The following SPINK5 variants were observed in gnomAD, a reference collection of about 807,000 sequenced individuals.
SPINK5 encodes serine peptidase inhibitor Kazal type 5.
Under a neutral mutation model 151.8 loss-of-function variants are expected in SPINK5, and 125 were observed. That is an observed-to-expected ratio of 0.82 (90% CI 0.71 to 0.96). The LOEUF is 0.96. Ranked by LOEUF, SPINK5 falls within the 40% of genes least tolerant of loss-of-function variation. The pLI is 0.00. For missense variants in SPINK5, 1,194 were observed against 1,291.9 expected (o/e 0.92, Z 1.16); for synonymous variants, 374 against 395.3 (o/e 0.95, Z 0.64).
At position 148,095,865 on chromosome 5, in the gene SPINK5, G is replaced by GT. The variant is rs1753442819; in HGVS notation, c.842_843insT (p.Ala283SerfsTer2). ...AACAGTAAAACAGATCAAAATTTGGGAAAAGCTGAAGAAAAAACTAAAGTT... is the reference window on the plus strand; with the variant it reads ...AACAGTAAAACAGATCAAAATTTGGGTAAAAGCTGAAGAAAAAACTAAAGTT... On this transcript the variant is annotated frameshift_variant, in exon 10 of 33. Transcript: ENST00000256084. LOFTEE classifies it high-confidence loss of function. 2 of 1,612,286 alleles carry GT rather than the reference G, an allele frequency of 1.2e-6. No individual in the cohort carries two copies. Among genetic ancestry groups the GT allele is most frequent in the Non-Finnish European group, 1.7e-6 (2 of 1,179,026 alleles).
At chr5:148,131,155 A>G in intron 30 of SPINK5, 104 bp from the exon 31 acceptor site, 2 of 1,408,392 alleles carry the variant, frequency 1.4e-6, no homozygotes, top group South Asian at 2.3e-5. Context: ...CTCCTTTTAC[A>G]ACCATTTATT....
At chr5:148,130,605 C>T (rs1754546007) in intron 30 of SPINK5, among the ~76,000 whole-genome samples, 1 of 152,074 alleles carries the variant, frequency 6.6e-6, no homozygotes, top group South Asian at 2.1e-4. Flanking sequence ...TCTTCTTTTA[C>T]ATGGAAAATA....
rs1442244413 is a variant in SPINK5, at chr5:148,097,989, C to T, written c.1005C>T (p.Ala335=). The change falls in exon 11 of 33, where the codon GCC becomes GCT. Residue 335 remains alanine (A), a synonymous_variant. Coordinates refer to ENST00000256084, the MANE Select transcript of SPINK5 (RefSeq NM_006846.4). ...MHGNLCSMCQ[A]YFQAENEEKK... is the part of the protein sequence containing the mutation. The stretch of plus-strand genomic sequence containing the variant: ...GCAACTTGTGTTCCATGTGTCAAGC[C>T]TACTTGTGAGTATAGAGTTTTAGAA... The T allele has an allele frequency of 6.2e-7, 1 of 1,611,224 alleles. No individual in the cohort carries two copies. Among genetic ancestry groups the T allele is most frequent in the African/African-American group, 1.3e-5 (1 of 74,784 alleles).
intron 9 of SPINK5, among the ~76,000 whole-genome samples, chr5:148,095,481 A>T (rs72660255): frequency 0.068 from 10,335 of 152,072 alleles, 551 homozygotes; most frequent in East Asian, 0.27. Flanking sequence ...TAGAATAAAA[A>T]CTGCTGTATA....
intron 15 of SPINK5, 91 bp from the exon 16 acceptor site, chr5:148,104,861 A>C: frequency 8.0e-7 from 1 of 1,256,926 alleles, no homozygotes. Context: ...GCGCCACTGC[A>C]CTCCAGCCTG....
At chr5:148,067,887 T>TA (rs1367970042) in intron 2 of SPINK5, among the ~76,000 whole-genome samples, 1 of 152,140 alleles carries the variant, frequency 6.6e-6, no homozygotes, top group East Asian at 1.9e-4. Flanking sequence ...ATTGCTGAGT[T>TA]ACAGCCATGA....
chr5:148,111,727 G>T, intron 18 of SPINK5, 41 bp from the exon 19 acceptor site: 1 of 1,613,540 alleles, frequency 6.2e-7, no homozygotes, highest in Non-Finnish European at 8.5e-7. Context: ...CTAGTGTTTA[G>T]TTATTGGACT....
At chr5:148,076,693 T>C (rs1752890318) in intron 4 of SPINK5, among the ~76,000 whole-genome samples, 1 of 151,518 alleles carries the variant, frequency 6.6e-6, no homozygotes, top group South Asian at 2.1e-4. Flanking sequence ...CTAAAAAAAA[T>C]CATGTTTGAG....
chr5:148,067,308 G>T (rs1272067815), intron 2 of SPINK5, among the ~76,000 whole-genome samples: 2 of 152,082 alleles, frequency 1.3e-5, no homozygotes, highest in Non-Finnish European at 2.9e-5. Context: ...GCCCTAGAGG[G>T]CTCCAGTTTT....
Position 148,123,832 on chromosome 5 carries a change from G to A in SPINK5, c.2539-1G>A. 6.2e-7 allele frequency: 1 copy of A among 1,613,858 alleles called. No individual in the cohort carries two copies. The highest frequency in any genetic ancestry group is 8.5e-7 in the Non-Finnish European group (1 of 1,179,950). ...ACAACTTTTTCTGCTACTGTTGGTAGGATCTGTGTCGTGAATTTCGAAGCA... is the reference window on the plus strand; with the variant it reads ...ACAACTTTTTCTGCTACTGTTGGTAAGATCTGTGTCGTGAATTTCGAAGCA... On this transcript the variant is annotated splice_acceptor_variant, in intron 26 of 32. Coordinates refer to ENST00000256084, the MANE Select transcript of SPINK5 (RefSeq NM_006846.4). LOFTEE classifies it high-confidence loss of function.
rs1752508650 is a variant in SPINK5 at position 148,063,982 on chromosome 5, T to A, written c.-63T>A. ...GTAAACTGCATCGCCCCGAGTTCAG[T>A]CATACTGCACCAGCTGAGCAATGCA... On this transcript the variant is annotated 5_prime_UTR_variant, in exon 1 of 33. Transcript: ENST00000256084. 5.1e-6 allele frequency: 8 copies of A among 1,582,020 alleles called. No individual in the cohort carries two copies. In the South Asian group the frequency reaches 8.8e-5, roughly 17 times the overall value.
At chr5:148,120,528 G>A in intron 26 of SPINK5, 137 bp downstream of exon 26, 1 of 1,128,932 alleles carries the variant, frequency 8.9e-7, no homozygotes, top group South Asian at 1.4e-5. Context: ...GTCATGGCCA[G>A]ATCTTGAAAA....
intron 1 of SPINK5, 63 bp from the exon 2 acceptor site, chr5:148,065,284 A>C (rs1174469040): frequency 3.9e-6 from 6 of 1,555,456 alleles, no homozygotes; most frequent in Non-Finnish European, 4.4e-6. Flanking sequence ...TAAATGGATT[A>C]TTTGTTTTGT....
chr5:148,124,980 C>G, intron 28 of SPINK5, 143 bp downstream of exon 28: 2 of 1,231,784 alleles, frequency 1.6e-6, no homozygotes, highest in South Asian at 2.5e-5. Flanking sequence ...CACTTTGTAT[C>G]ATAACAAGAT....
chr5:148,122,592 G>T (rs971359988), intron 26 of SPINK5, among the ~76,000 whole-genome samples: 19 of 151,928 alleles, frequency 1.3e-4, no homozygotes, highest in African/African-American at 4.3e-4. Flanking sequence ...TTCTTTTTAT[G>T]ATCATTATGT....
chr5:148,113,007 A>C, intron 20 of SPINK5, 73 bp downstream of exon 20: 5 of 1,588,196 alleles, frequency 3.1e-6, no homozygotes, highest in Non-Finnish European at 4.3e-6. Context: ...ATAACTATGG[A>C]ATTACTGAAA....
At chr5:148,083,743 G>T (rs1753082952) in intron 4 of SPINK5, among the ~76,000 whole-genome samples, 1 of 151,184 alleles carries the variant, frequency 6.6e-6, no homozygotes, top group Non-Finnish European at 1.5e-5. Context: ...TATAGAAATT[G>T]TTCCTTTCTT....
Position 148,064,088 on chromosome 5 carries a change from G to GC in SPINK5, c.46dup (p.Leu16ProfsTer8), listed in dbSNP as rs1752513374. On this transcript the variant is annotated frameshift_variant, in exon 1 of 33. Transcript: ENST00000256084. LOFTEE classifies it high-confidence loss of function. ...TCAGTGCTTCTGCCCTTGGCTCTTT[G>GC]CCTCATACAAGGTGAGCAATTTGTG... The GC allele has an allele frequency of 6.2e-7, 1 of 1,613,954 alleles. No individual in the cohort carries two copies. The highest frequency in any genetic ancestry group is 1.3e-5 in the African/African-American group (1 of 74,900).
intron 6 of SPINK5, chr5:148,089,200 C>T (rs766757627): frequency 4.2e-5 from 21 of 500,708 alleles, no homozygotes; most frequent in Non-Finnish European, 7.8e-5. Flanking sequence ...TTTTAAATGT[C>T]TCTTTTTATC....
Sources: gnomAD v4.1 joint callset for allele counts (sites outside exome capture counted in the v4.1 genomes callset) on GRCh38, gnomAD v4.1.1 for gene constraint, MANE v1.5 for transcripts, NCBI Gene and HGNC (gene_info 2026-07-23, HGNC 2026-07-21) for gene names.